The following EXT1 variants were observed in gnomAD, a reference collection of about 807,000 sequenced individuals.
EXT1 encodes exostosin glycosyltransferase 1, also known as exostosin-1.
Under a neutral mutation model 82.5 loss-of-function variants are expected in EXT1, and 20 were observed. That is an observed-to-expected ratio of 0.24 (90% CI 0.17 to 0.35). The LOEUF is 0.35. EXT1 is among the 10% of genes least tolerant of loss of function. The pLI is 1.00. For synonymous variants in EXT1, 348 were observed against 350.8 expected (o/e 0.99, Z 0.09); for missense variants, 757 against 936.5 (o/e 0.81, Z 2.50).
intron 1 of EXT1, among the ~76,000 whole-genome samples, chr8:117,890,093 T>A (rs141762994): frequency 3.9e-5 from 6 of 152,248 alleles, no homozygotes; most frequent in Admixed American, 6.5e-5. Context: ...ATACTGTCTA[T>A]GCTGGACAAC....
chr8:117,970,659 T>C (rs999206377), intron 1 of EXT1, among the ~76,000 whole-genome samples: 2 of 152,200 alleles, frequency 1.3e-5, no homozygotes, highest in African/African-American at 2.4e-5. Flanking sequence ...ACTTGGTCCA[T>C]GGACCACACT....
intron 1 of EXT1, among the ~76,000 whole-genome samples, chr8:117,996,522 T>C (rs1293317630): frequency 6.6e-6 from 1 of 152,162 alleles, no homozygotes; most frequent in African/African-American, 2.4e-5. Flanking sequence ...CTTTGAGCTC[T>C]TCAGCAGAGA....
intron 1 of EXT1, among the ~76,000 whole-genome samples, chr8:117,945,438 G>A (rs1814368030): frequency 6.6e-6 from 1 of 152,144 alleles, no homozygotes; most frequent in African/African-American, 2.4e-5. Flanking sequence ...TTTGGGCAAA[G>A]GGGGGCAAGT....
At chr8:117,989,731 G>A (rs1029441107) in intron 1 of EXT1, among the ~76,000 whole-genome samples, 25 of 152,308 alleles carry the variant, frequency 1.6e-4, no homozygotes, top group Admixed American at 5.9e-4. Flanking sequence ...CCATCTGGGC[G>A]AGATGTTAGC....
intron 1 of EXT1, among the ~76,000 whole-genome samples, chr8:118,037,103 C>G (rs769933200): frequency 3.5e-4 from 54 of 152,156 alleles, no homozygotes; most frequent in Non-Finnish European, 6.0e-4. Context: ...ATTTCAATTC[C>G]TATGTCCATG....
chr8:118,082,377 GA>G (rs1199836649), intron 1 of EXT1, among the ~76,000 whole-genome samples: 1 of 152,038 alleles, frequency 6.6e-6, no homozygotes, highest in Non-Finnish European at 1.5e-5. Flanking sequence ...CATCTGAGAG[GA>G]AAAAAAGTTT....
At chr8:117,821,603 T>C (rs898844220) in intron 5 of EXT1, among the ~76,000 whole-genome samples, 4 of 152,240 alleles carry the variant, frequency 2.6e-5, no homozygotes, top group African/African-American at 9.6e-5. Context: ...CTTCAGGCCA[T>C]GCATTTCTTT....
At chr8:117,931,962 C>T (rs2514720) in intron 1 of EXT1, among the ~76,000 whole-genome samples, 111,412 of 152,140 alleles carry the variant, frequency 0.73, 41,346 homozygotes, top group Middle Eastern at 0.83. Context: ...AAAATGCCCA[C>T]GCGGAAAATA....
At chr8:117,934,610 GGCTCCT>G (rs1267348041) in intron 1 of EXT1, among the ~76,000 whole-genome samples, 2 of 152,136 alleles carry the variant, frequency 1.3e-5, no homozygotes, top group African/African-American at 4.8e-5. Flanking sequence ...CTCTTCAAAG[GGCTCCT>G]GCCTTTCAGC....
chr8:117,827,110 A>T (rs1289236792), intron 4 of EXT1, among the ~76,000 whole-genome samples: 2 of 152,186 alleles, frequency 1.3e-5, no homozygotes, highest in Non-Finnish European at 2.9e-5. Flanking sequence ...AGCAAAAGAG[A>T]GTCACGCCCA....
intron 1 of EXT1, among the ~76,000 whole-genome samples, chr8:118,007,447 G>C (rs1223948800): frequency 6.6e-6 from 1 of 152,122 alleles, no homozygotes; most frequent in Admixed American, 6.5e-5. Flanking sequence ...TTGATAACTT[G>C]GTGAAAACTA....
chr8:118,018,310 A>T (rs898082003), intron 1 of EXT1, among the ~76,000 whole-genome samples: 2 of 152,208 alleles, frequency 1.3e-5, no homozygotes, highest in African/African-American at 2.4e-5. Flanking sequence ...TTGGAAAAAC[A>T]CACACACATG....
At chr8:117,837,551 A>C (rs1275941538) in intron 1 of EXT1, among the ~76,000 whole-genome samples, 2 of 152,168 alleles carry the variant, frequency 1.3e-5, no homozygotes, top group Non-Finnish European at 2.9e-5. Flanking sequence ...AGAAGAAGAG[A>C]AAATTACTGG....
intron 9 of EXT1, among the ~76,000 whole-genome samples, chr8:117,805,410 T>C (rs1457320954): frequency 6.6e-6 from 1 of 152,218 alleles, no homozygotes; most frequent in Non-Finnish European, 1.5e-5. Flanking sequence ...CTATAAACCA[T>C]ATATATTTCA....
Position 118,081,745 on chromosome 8 carries a change from C to A in EXT1, c.962+28340G>T, listed in dbSNP as rs191865210. ...ATTGATGCTGGCGTGCTTTTAATAG[C>A]CCCATTTAATTGTGCAGTCGTATTT... On this transcript the variant is annotated intron_variant, in intron 1 of 10. Coordinates refer to ENST00000378204, the MANE Select transcript of EXT1 (RefSeq NM_000127.3). Among the ~76,000 whole-genome samples, 539 of 152,204 alleles carry A rather than the reference C, an allele frequency of 3.5e-3. 14 individuals are homozygous for A. The highest frequency in any genetic ancestry group is 0.033 in the Admixed American group (511 of 15,278).
chr8:118,105,291 C>A (rs999721282), intron 1 of EXT1, among the ~76,000 whole-genome samples: 82 of 152,288 alleles, frequency 5.4e-4, no homozygotes, highest in Middle Eastern at 3.4e-3. Context: ...CCCCTTTTGC[C>A]ATCCAAAGTT....
chr8:117,878,730 T>C (rs145036472), intron 1 of EXT1, among the ~76,000 whole-genome samples: 4 of 152,358 alleles, frequency 2.6e-5, no homozygotes, highest in African/African-American at 9.6e-5. Context: ...ATTCTCATCA[T>C]CACCACAAGT....
chr8:117,853,923 A>C (rs1812497194), intron 1 of EXT1, among the ~76,000 whole-genome samples: 1 of 152,272 alleles, frequency 6.6e-6, no homozygotes. Flanking sequence ...ACTTAATTGC[A>C]GAAAGAGGCA....
chr8:117,897,576 C>G (rs1412296827), intron 1 of EXT1, among the ~76,000 whole-genome samples: 1 of 143,440 alleles, frequency 7.0e-6, no homozygotes, highest in Non-Finnish European at 1.5e-5. Flanking sequence ...TAGCCCATTG[C>G]CGGGCTTCTT....
Sources: allele counts gnomAD v4.1 joint callset (sites outside exome capture counted in the v4.1 genomes callset), GRCh38; gene constraint gnomAD v4.1.1; transcripts MANE v1.5; gene names NCBI Gene and HGNC (gene_info 2026-07-23, HGNC 2026-07-21).